Variants in F10 observed in about 807,000 individuals in gnomAD.
The protein encoded by F10 is coagulation factor X.
In F10, 29 loss-of-function variants were observed where a neutral mutation model predicts 37.1. That is an observed-to-expected ratio of 0.78 (90% confidence interval 0.58 to 1.07). The LOEUF is 1.07. Ranked by LOEUF, F10 falls within the 50% of genes least tolerant of loss-of-function variation. F10 has a pLI of 0.00. For missense variants in F10, 539 were observed against 667.9 expected, an observed-to-expected ratio of 0.81 and a Z score of 2.13; for synonymous variants, 262 against 268.6, an observed-to-expected ratio of 0.98 and a Z score of 0.24.
At chr13:113,147,701 C>T (rs760340651) in intron 7 of F10, among the ~76,000 whole-genome samples, 3 of 152,018 alleles carry the variant, frequency 2.0e-5, no homozygotes, top group East Asian at 1.9e-4. Flanking sequence ...GGAGGGGAGG[C>T]GAACCAGCCC....
intron 1 of F10, among the ~76,000 whole-genome samples, chr13:113,123,260 CAG>C (rs1311659520): frequency 1.3e-5 from 2 of 152,034 alleles, no homozygotes; most frequent in South Asian, 4.1e-4. Flanking sequence ...AAGACGGAGA[CAG>C]AGAGAGAGGG....
At position 113,132,335 on chromosome 13, in the gene F10, CTTCTT is replaced by C. The variant is rs2036442230; in HGVS notation, c.231+2725_231+2729del. ...CACTCAGCATCGTTTCTCAAACACT[CTTCTT>C]TACTTATATATAGCTACCCTATAGC... is the stretch of plus-strand genomic sequence containing the variant. On this transcript the variant is annotated intron_variant, in intron 2 of 7. Transcript: ENST00000375559. 2.6e-5 allele frequency among the ~76,000 whole-genome samples: 4 copies of C among 152,204 alleles called. No individual in the cohort carries two copies. The South Asian group carries it at 8.3e-4, about 31-fold the overall frequency.
Position 113,139,262 on chromosome 13 carries a change from A to T in F10, c.257-95A>T, listed in dbSNP as rs947107612. ...GAGAAACCGGAAGACTCTTCCAGTT[A>T]TCTGAACGGCAGGGCCAAGGTTAGC... is the stretch of plus-strand genomic sequence containing the variant. On this transcript the variant is annotated intron_variant, in intron 3 of 7. Coordinates refer to ENST00000375559, the MANE Select transcript of F10 (RefSeq NM_000504.4). The surrounding 1 kb of genome is among the most constrained non-coding windows in gnomAD (Gnocchi z 5.2). The T allele has an allele frequency of 2.1e-6, 2 of 942,564 alleles. No homozygotes were observed. The highest frequency in any genetic ancestry group is 1.6e-5 in the African/African-American group (1 of 61,500). 58.4% of individuals were successfully genotyped at this position (942,564 alleles called of 1,614,324 possible).
intron 1 of F10, among the ~76,000 whole-genome samples, chr13:113,125,855 C>T (rs989344801): frequency 6.6e-6 from 1 of 152,200 alleles, no homozygotes; most frequent in African/African-American, 2.4e-5. Context: ...AAGGATAAGC[C>T]TGTCAGCATG....
In F10 at chr13:113,144,783, G is replaced by A. The variant is rs1043415581; in HGVS notation, c.747+688G>A. On this transcript the variant is annotated intron_variant, in intron 6 of 7. Transcript: ENST00000375559. The surrounding 1 kb of genome is among the most constrained non-coding windows in gnomAD (Gnocchi z 6.4). ...GGCTGGAGTGCAGTGTCGCGATCTC[G>A]GCTCACTGCAACCTCCACCTCCTGG... Among the ~76,000 whole-genome samples the A allele has an allele frequency of 6.6e-6, 1 of 152,068 alleles. No homozygotes were observed. Among genetic ancestry groups the A allele is most frequent in the South Asian group, 2.1e-4 (1 of 4,820 alleles).
At chr13:113,129,746 GC>G in intron 2 of F10, 134 bp downstream of exon 2, 1 of 1,208,694 alleles carries the variant, frequency 8.3e-7, no homozygotes, top group Non-Finnish European at 1.2e-6. Flanking sequence ...CAGGGGCGGG[GC>G]CCAGCAAATC....
rs558542 is a variant in F10 at position 113,146,415 on chromosome 13, T to G, written c.748-964T>G. ...AGCTGCAGGCGGGGTTTTGGAGGGG[T>G]TCCTGGGCTGGGGGACCAGGGTGGG... On this transcript the variant is annotated intron_variant, in intron 6 of 7. Coordinates refer to ENST00000375559, the MANE Select transcript of F10 (RefSeq NM_000504.4). This position sits in a 1 kb window ranked among gnomAD's most constrained non-coding sequence, Gnocchi z 4.5. Among the ~76,000 whole-genome samples the G allele has an allele frequency of 1, 152,171 of 152,174 alleles. 76,084 individuals are homozygous for G. The highest frequency in any genetic ancestry group is 1 in the Non-Finnish European group (68,012 of 68,012).
In F10 at chr13:113,149,282, A is replaced by G; in HGVS notation, c.1232A>G (p.Gln411Arg). Reference sequence around the variant, plus strand: ...TTCTGTGCCGGCTACGACACCAAGCAGGAGGATGCCTGCCAGGGGGACAGC... The same window carrying G: ...TTCTGTGCCGGCTACGACACCAAGCGGGAGGATGCCTGCCAGGGGGACAGC... ...NMFCAGYDTKQEDACQGDSGG... is the reference protein window; with the variant it reads ...NMFCAGYDTKREDACQGDSGG... The change falls in exon 8 of 8, where the codon CAG becomes CGG. Residue 411 changes from glutamine to arginine, a missense_variant. Transcript: ENST00000375559. This position sits in a 1 kb window ranked among gnomAD's most constrained non-coding sequence, Gnocchi z 7.5. 1.2e-6 allele frequency: 2 copies of G among 1,613,214 alleles called. No homozygotes were observed. The highest frequency in any genetic ancestry group is 2.2e-5 in the East Asian group (1 of 44,878).
At chr13:113,123,725 G>T (rs539128148) in intron 1 of F10, among the ~76,000 whole-genome samples, 2 of 152,274 alleles carry the variant, frequency 1.3e-5, no homozygotes, top group East Asian at 1.9e-4. Flanking sequence ...AGGCTGAGTG[G>T]ATCCTCAGTG....
Position 113,129,528 on chromosome 13 carries a change from G to A in F10, c.147G>A (p.Lys49=), listed in dbSNP as rs763041305. ...TRANSFLEEM[K]KGHLERECME... is the part of the protein sequence containing the mutation. ...CCAATTCCTTTCTTGAAGAGATGAA[G>A]AAAGGACACCTCGAAAGAGAGTGCA... is the stretch of plus-strand genomic sequence containing the variant. The change falls in exon 2 of 8, where the codon AAG becomes AAA. Residue 49 remains lysine, a synonymous_variant. Transcript: ENST00000375559. 1.9e-6 allele frequency: 3 copies of A among 1,614,194 alleles called. No homozygotes were observed. The highest frequency in any genetic ancestry group is 2.5e-6 in the Non-Finnish European group (3 of 1,180,028).
At chr13:113,142,155 G>A (rs1254123041) in intron 5 of F10, among the ~76,000 whole-genome samples, 1 of 152,184 alleles carries the variant, frequency 6.6e-6, no homozygotes, top group Non-Finnish European at 1.5e-5. Flanking sequence ...TGACATTCAA[G>A]CTTAAGCTGG....
intron 1 of F10, chr13:113,128,608 C>G (rs1249228496): frequency 6.6e-6 from 1 of 152,260 alleles, no homozygotes; most frequent in Non-Finnish European, 1.5e-5. Context: ...TCCTGTAATC[C>G]CAGCACTTTG....
intron 2 of F10, chr13:113,131,530 A>T (rs1373101112): frequency 6.5e-6 from 1 of 152,688 alleles, no homozygotes; most frequent in African/African-American, 2.4e-5. Flanking sequence ...GCCAGAAACT[A>T]ACCTCTTTGG....
At position 113,144,311 on chromosome 13, in the gene F10, G is replaced by A; in HGVS notation, c.747+216G>A. ...CACAGGGAAGTGGCCGGGGCTGAGG[G>A]AGAGGCTGGGCCCAGGCAACGCCCC... On this transcript the variant is annotated intron_variant, in intron 6 of 7. Transcript: ENST00000375559. The surrounding 1 kb of genome is among the most constrained non-coding windows in gnomAD (Gnocchi z 6.4). 1 of 680,110 alleles carries A rather than the reference G, an allele frequency of 1.5e-6. No homozygotes were observed. Among genetic ancestry groups the A allele is most frequent in the Non-Finnish European group, 2.5e-6 (1 of 405,258 alleles). 42.1% of individuals were successfully genotyped at this position (680,110 alleles called of 1,614,324 possible). A position where few individuals can be genotyped will look rare whatever the true frequency, so the allele number is the denominator to read the frequency against.
chr13:113,126,243 C>T (rs1030814870), intron 1 of F10, among the ~76,000 whole-genome samples: 4 of 152,064 alleles, frequency 2.6e-5, no homozygotes, highest in Non-Finnish European at 4.4e-5. Flanking sequence ...CTTTCCACCC[C>T]GTGCCTGCCA....
At chr13:113,134,101 C>T (rs1051073595) in intron 2 of F10, among the ~76,000 whole-genome samples, 6 of 152,076 alleles carry the variant, frequency 3.9e-5, no homozygotes, top group African/African-American at 1.4e-4. Context: ...AAGGTTTTCT[C>T]CCTGAGACTG....
intron 2 of F10, 61 bp downstream of exon 2, chr13:113,129,673 C>G: frequency 6.2e-7 from 1 of 1,605,614 alleles, no homozygotes; most frequent in South Asian, 1.1e-5. Context: ...CCCTCGCTGG[C>G]CCCGCTGCTC....
rs777718587 is a variant in F10, at chr13:113,143,187, C to G, written c.503-664C>G. Among the ~76,000 whole-genome samples, 3 of 151,714 alleles carry G rather than the reference C, an allele frequency of 2.0e-5. No individual in the cohort carries two copies. The highest frequency in any genetic ancestry group is 6.6e-5 in the Admixed American group (1 of 15,224). ...CCCCTCCTCTCCTCTCCTGCTCCCC[C>G]ACACCCCTGCCTTCCTCCAACATGT... is the stretch of plus-strand genomic sequence containing the variant. On this transcript the variant is annotated intron_variant, in intron 5 of 7. Coordinates refer to ENST00000375559, the MANE Select transcript of F10 (RefSeq NM_000504.4). The surrounding 1 kb of genome is among the most constrained non-coding windows in gnomAD (Gnocchi z 6.8).
chr13:113,144,535 G>A lies in F10; in HGVS notation c.747+440G>A, dbSNP rs553212084. Among the ~76,000 whole-genome samples, 15 of 152,384 alleles carry A rather than the reference G, an allele frequency of 9.8e-5. No homozygotes were observed. The highest frequency in any genetic ancestry group is 8.3e-4 in the South Asian group (4 of 4,834). On this transcript the variant is annotated intron_variant, in intron 6 of 7. Transcript: ENST00000375559. The surrounding 1 kb of genome is among the most constrained non-coding windows in gnomAD (Gnocchi z 6.4). ...CATCAGCGGGCAGGAGGACGGTGCC[G>A]GGTGGGCAAGGCCTCCATCTGCTCT...
Sources: allele counts gnomAD v4.1 joint callset (sites outside exome capture counted in the v4.1 genomes callset), GRCh38; gene constraint gnomAD v4.1.1; non-coding constraint Gnocchi (gnomAD v3.1); transcripts MANE v1.5; gene names NCBI Gene and HGNC (gene_info 2026-07-23, HGNC 2026-07-21).